OSBPL3: variants seen among roughly 807,000 people sequenced by gnomAD.
OSBPL3 encodes oxysterol binding protein like 3.
A neutral mutation model predicts 120.1 loss-of-function variants in OSBPL3; 65 were observed. The observed-to-expected ratio is 0.54, with a 90% CI of 0.44 to 0.67. The LOEUF is 0.67. Among genes scored for constraint, OSBPL3 ranks in the 30% least tolerant of loss-of-function variants. The pLI, the probability that OSBPL3 is intolerant of heterozygous loss-of-function variation, is 0.00. For synonymous variants in OSBPL3, 416 were observed against 402.6 expected, an observed-to-expected ratio of 1.03 and a Z score of -0.40; for missense variants, 1,004 against 1,082.1, an observed-to-expected ratio of 0.93 and a Z score of 1.01.
At chr7:24,927,846 C>G (rs936302586) in intron 1 of OSBPL3, among the ~76,000 whole-genome samples, 1 of 152,100 alleles carries the variant, frequency 6.6e-6, no homozygotes, top group African/African-American at 2.4e-5. Flanking sequence ...AAAAAAAATG[C>G]TTCTTGAGGT....
At chr7:24,924,173 T>C (rs1216123452) in intron 1 of OSBPL3, among the ~76,000 whole-genome samples, 1 of 152,140 alleles carries the variant, frequency 6.6e-6, no homozygotes, top group Non-Finnish European at 1.5e-5. Context: ...GTGAATAATA[T>C]CACCTCTAAA....
At chr7:24,906,921 C>A (rs577451135) in intron 1 of OSBPL3, among the ~76,000 whole-genome samples, 3 of 152,198 alleles carry the variant, frequency 2.0e-5, no homozygotes, top group East Asian at 3.9e-4. Context: ...TGGTGTTGGC[C>A]CCTGGATTCA....
Position 24,849,666 on chromosome 7 carries a change from G to A in OSBPL3, c.1159-490C>T, listed in dbSNP as rs1370429976. On this transcript the variant is annotated intron_variant, in intron 11 of 22. Coordinates refer to ENST00000313367, the MANE Select transcript of OSBPL3 (RefSeq NM_015550.4). The surrounding 1 kb of genome is among the most constrained non-coding windows in gnomAD (Gnocchi z 5.4). The stretch of plus-strand genomic sequence containing the variant: ...CATTGAATCAGATTTTAGAAAGTGT[G>A]CTGGAGGCCGGGCAAGGTGGCTCAC... Among the ~76,000 whole-genome samples the A allele has an allele frequency of 1.3e-5, 2 of 152,156 alleles. No homozygotes were observed. Among genetic ancestry groups the A allele is most frequent in the Non-Finnish European group, 2.9e-5 (2 of 68,022 alleles).
At chr7:24,850,142 T>A (rs936153018) in intron 11 of OSBPL3, among the ~76,000 whole-genome samples, 1 of 152,160 alleles carries the variant, frequency 6.6e-6, no homozygotes, top group Non-Finnish European at 1.5e-5. Flanking sequence ...GCTCTGGGAA[T>A]GGGTAAATGT....
rs1792111616 is a variant in OSBPL3 at position 24,800,095 on chromosome 7, T to A, written c.*88A>T. 1.4e-6 allele frequency: 1 copy of A among 717,612 alleles called. No homozygotes were observed. Among genetic ancestry groups the A allele is most frequent in the African/African-American group, 1.8e-5 (1 of 56,334 alleles). 44.5% of individuals were successfully genotyped at this position (717,612 alleles called of 1,614,324 possible). ...AAGCACAAGTGATCATCCTAGAGTA[T>A]CTTTTAAATATATAAACACAGGTTT... is the stretch of plus-strand genomic sequence containing the variant. On this transcript the variant is annotated 3_prime_UTR_variant, in exon 23 of 23. Transcript: ENST00000313367.
chr7:24,921,435 A>G (rs1810369260), intron 1 of OSBPL3, among the ~76,000 whole-genome samples: 1 of 152,120 alleles, frequency 6.6e-6, no homozygotes, highest in East Asian at 1.9e-4. Flanking sequence ...ATTGTAAATC[A>G]CCTCTTTGAC....
chr7:24,855,805 T>C lies in OSBPL3; in HGVS notation c.1028-3171A>G, dbSNP rs1315423790. 6.6e-6 allele frequency among the ~76,000 whole-genome samples: 1 copy of C among 152,172 alleles called. No individual in the cohort carries two copies. The highest frequency in any genetic ancestry group is 1.5e-5 in the Non-Finnish European group (1 of 68,014). ...GAGACAAATAAACAGCTTTAAAAAA[T>C]AGAAGATTCAAATGAGTGCATCACA... On this transcript the variant is annotated intron_variant, in intron 10 of 22. Coordinates refer to ENST00000313367, the MANE Select transcript of OSBPL3 (RefSeq NM_015550.4). This position sits in a 1 kb window ranked among gnomAD's most constrained non-coding sequence, Gnocchi z 4.3.
rs1201847377 is a variant in OSBPL3, at chr7:24,824,025, G to A, written c.1885-3787C>T. ...AATTGACCCAGCCCTGGAAGGAGAT[G>A]CTGTCTGTTAGCCTGTTGAATAAAC... On this transcript the variant is annotated intron_variant, in intron 16 of 22. Transcript: ENST00000313367. This position sits in a 1 kb window ranked among gnomAD's most constrained non-coding sequence, Gnocchi z 4.9. Among the ~76,000 whole-genome samples the A allele has an allele frequency of 6.6e-6, 1 of 152,186 alleles. No homozygotes were observed. Among genetic ancestry groups the A allele is most frequent in the Non-Finnish European group, 1.5e-5 (1 of 68,036 alleles).
chr7:24,926,268 T>G (rs904777801), intron 1 of OSBPL3, among the ~76,000 whole-genome samples: 1 of 152,112 alleles, frequency 6.6e-6, no homozygotes, highest in African/African-American at 2.4e-5. Context: ...TCAAGTTTCT[T>G]TAGTGGATAT....
intron 19 of OSBPL3, among the ~76,000 whole-genome samples, chr7:24,810,863 T>C (rs1793710104): frequency 6.6e-6 from 1 of 152,248 alleles, no homozygotes; most frequent in African/African-American, 2.4e-5. Context: ...GTTTCCTTCT[T>C]TTTAAAGGCT....
chr7:24,892,948 T>A (rs141213805), intron 1 of OSBPL3, among the ~76,000 whole-genome samples: 2,654 of 152,320 alleles, frequency 0.017, 59 homozygotes, highest in Admixed American at 0.06. Context: ...CTATAATAAT[T>A]TTTTTAATGG....
chr7:24,812,085 T>A (rs772970052), intron 19 of OSBPL3, among the ~76,000 whole-genome samples: 26 of 151,994 alleles, frequency 1.7e-4, no homozygotes, highest in Non-Finnish European at 3.2e-4. Flanking sequence ...GGTGGGTGGA[T>A]CACTTGAGGT....
At position 24,828,094 on chromosome 7, in the gene OSBPL3, G is replaced by A. The variant is rs983719893; in HGVS notation, c.1884+2674C>T. 6.6e-5 allele frequency among the ~76,000 whole-genome samples: 10 copies of A among 151,512 alleles called. 1 individual carries two copies. Among genetic ancestry groups the A allele is most frequent in the Admixed American group, 6.6e-5 (1 of 15,224 alleles). ...GGCTGGAGTGCAGTGGTGCGATCTC[G>A]GCTCACCGCATCCTCCACCTCCCAG... On this transcript the variant is annotated intron_variant, in intron 16 of 22. Transcript: ENST00000313367.
In OSBPL3 at chr7:24,852,224, C is replaced by T. The variant is rs1248445662; in HGVS notation, c.1158+280G>A. 6.6e-6 allele frequency among the ~76,000 whole-genome samples: 1 copy of T among 151,992 alleles called. No homozygotes were observed. The highest frequency in any genetic ancestry group is 1.5e-5 in the Non-Finnish European group (1 of 68,006). On this transcript the variant is annotated intron_variant, in intron 11 of 22. Transcript: ENST00000313367. The surrounding 1 kb of genome is among the most constrained non-coding windows in gnomAD (Gnocchi z 4.1). ...TCTGTAAGACACGCACACATACACA[C>T]AAAAACGTACAATAAAAATGTTAGA...
chr7:24,931,216 A>G (rs968432624), intron 1 of OSBPL3, among the ~76,000 whole-genome samples: 3 of 152,324 alleles, frequency 2.0e-5, no homozygotes, highest in Non-Finnish European at 4.4e-5. Context: ...AGTGTTATTT[A>G]ATTTGGAAAA....
rs564737708 is a variant in OSBPL3 at position 24,935,400 on chromosome 7, T to C, written c.-149-42779A>G. Among the ~76,000 whole-genome samples, 4 of 152,322 alleles carry C rather than the reference T, an allele frequency of 2.6e-5. No individual in the cohort carries two copies. In the South Asian group the frequency reaches 8.3e-4, roughly 32 times the overall value. On this transcript the variant is annotated intron_variant, in intron 1 of 22. Transcript: ENST00000313367. ...TTTACATGTACTCACTTTGTGTGTA[T>C]GTGTATATATGTATTGTATATATTT...
rs943527901 is a variant in OSBPL3, at chr7:24,849,301, G to T, written c.1159-125C>A. 9.3e-6 allele frequency: 6 copies of T among 644,356 alleles called. No individual in the cohort carries two copies. In the African/African-American group the frequency reaches 1.1e-4, roughly 12 times the overall value. The allele number at this position is 644,356 out of a possible 1,614,324, so 39.9% of individuals were successfully genotyped here. On this transcript the variant is annotated intron_variant, in intron 11 of 22. Transcript: ENST00000313367. This position sits in a 1 kb window ranked among gnomAD's most constrained non-coding sequence, Gnocchi z 5.4. ...ACTCTTAGTGACGTGGTCTGACAGCGCACTTTCTGGACTTTTTCCTTGAAT... is the reference window on the plus strand; with the variant it reads ...ACTCTTAGTGACGTGGTCTGACAGCTCACTTTCTGGACTTTTTCCTTGAAT...
intron 10 of OSBPL3, among the ~76,000 whole-genome samples, chr7:24,857,682 T>C (rs771629858): frequency 2.6e-5 from 4 of 152,232 alleles, no homozygotes; most frequent in Non-Finnish European, 4.4e-5. Context: ...CAATGTTTTT[T>C]AAAGTATGTT....
rs1562762884 is a variant in OSBPL3, at chr7:24,813,475, G to A, written c.2172+1584C>T. Among the ~76,000 whole-genome samples the A allele has an allele frequency of 6.6e-6, 1 of 152,160 alleles. No individual in the cohort carries two copies. Among genetic ancestry groups the A allele is most frequent in the Non-Finnish European group, 1.5e-5 (1 of 68,032 alleles). ...GCAACGTGGCTTTCACCTGGGTCACGGGTAACATATCCCTGCTTCAGGTTG... is the reference window on the plus strand; with the variant it reads ...GCAACGTGGCTTTCACCTGGGTCACAGGTAACATATCCCTGCTTCAGGTTG... On this transcript the variant is annotated intron_variant, in intron 19 of 22. Coordinates refer to ENST00000313367, the MANE Select transcript of OSBPL3 (RefSeq NM_015550.4). This position sits in a 1 kb window ranked among gnomAD's most constrained non-coding sequence, Gnocchi z 4.5.
Sources: gnomAD v4.1 joint callset for allele counts (sites outside exome capture counted in the v4.1 genomes callset) on GRCh38, gnomAD v4.1.1 for gene constraint, Gnocchi (gnomAD v3.1) non-coding constraint, MANE v1.5 for transcripts, NCBI Gene and HGNC (gene_info 2026-07-23, HGNC 2026-07-21) for gene names.